The following AP1S3 variants were observed in gnomAD, a reference collection of about 807,000 sequenced individuals.
AP1S3 encodes the protein adaptor related protein complex 1 subunit sigma 3.
AP1S3 carries 10 observed loss-of-function variants against 20.9 expected under a neutral mutation model. The ratio of observed to expected loss-of-function variants is 0.48; its 90% CI spans 0.29 to 0.81. AP1S3 has a LOEUF of 0.81. Among genes scored for constraint, AP1S3 ranks in the 30% least tolerant of loss-of-function variants. The pLI is 0.08. For synonymous variants in AP1S3, 41 were observed against 61.5 expected (o/e 0.67, Z 1.56); for missense variants, 154 against 183.8 (o/e 0.84, Z 0.94).
intron 3 of AP1S3, chr2:223,773,304 T>C (rs1462644146): frequency 7.7e-7 from 1 of 1,303,588 alleles, no homozygotes. Context: ...GTTACGGGAA[T>C]GCCCAGACCT....
At chr2:223,807,699 C>T (rs1018213983) in intron 1 of AP1S3, among the ~76,000 whole-genome samples, 8 of 151,914 alleles carry the variant, frequency 5.3e-5, no homozygotes, top group African/African-American at 1.9e-4. Flanking sequence ...CCCTCTTGTT[C>T]CTGCTCCCCC....
chr2:223,765,080 T>C, intron 4 of AP1S3, 133 bp downstream of exon 4: 1 of 1,277,842 alleles, frequency 7.8e-7, no homozygotes, highest in Non-Finnish European at 1.0e-6. Flanking sequence ...AATAAGCTAA[T>C]ACATATAAAT....
intron 1 of AP1S3, among the ~76,000 whole-genome samples, chr2:223,819,003 A>C (rs909294092): frequency 6.6e-6 from 1 of 152,242 alleles, no homozygotes; most frequent in East Asian, 1.9e-4. Flanking sequence ...TTGTAGGGCT[A>C]ATTACCTAAT....
At chr2:223,763,347 T>A (rs571358104) in intron 4 of AP1S3, among the ~76,000 whole-genome samples, 18 of 152,210 alleles carry the variant, frequency 1.2e-4, no homozygotes, top group Non-Finnish European at 2.4e-4. Flanking sequence ...TTAAAACATT[T>A]CCTAATTTGA....
intron 1 of AP1S3, among the ~76,000 whole-genome samples, chr2:223,808,120 T>C (rs1691630738): frequency 6.6e-6 from 1 of 151,994 alleles, no homozygotes; most frequent in Non-Finnish European, 1.5e-5. Flanking sequence ...TATTTCTTTA[T>C]AGCAGTACAA....
chr2:223,790,623 G>A (rs1274979946), intron 1 of AP1S3, among the ~76,000 whole-genome samples: 3 of 152,000 alleles, frequency 2.0e-5, no homozygotes, highest in Non-Finnish European at 4.4e-5. Context: ...TGTAGGTAGA[G>A]TAATACACTT....
At chr2:223,780,345 AGAGAGAGAGAGAGTGTGTGT>A (rs1288475335) in intron 1 of AP1S3, among the ~76,000 whole-genome samples, 23 of 105,790 alleles carry the variant, frequency 2.2e-4, no homozygotes, top group African/African-American at 3.2e-4. Flanking sequence ...AGAGAGAGAG[AGAGAGAGAGAGAGTGTGTGT>A]GTGTGTGTGT....
chr2:223,824,776 C>T (rs1055520566), intron 1 of AP1S3, among the ~76,000 whole-genome samples: 1 of 152,110 alleles, frequency 6.6e-6, no homozygotes, highest in Non-Finnish European at 1.5e-5. Context: ...ATCAAATGAT[C>T]CACCCGTCAC....
chr2:223,766,969 C>A (rs75887694), intron 3 of AP1S3, among the ~76,000 whole-genome samples: 9,932 of 151,746 alleles, frequency 0.065, 461 homozygotes, highest in East Asian at 0.17. Context: ...AAACCAAACA[C>A]GGCATGTTCT....
chr2:223,790,721 G>A (rs1392819017), intron 1 of AP1S3, among the ~76,000 whole-genome samples: 4 of 152,150 alleles, frequency 2.6e-5, no homozygotes, highest in African/African-American at 9.7e-5. Flanking sequence ...CCACAATCAA[G>A]CTAATTAGCA....
intron 3 of AP1S3, among the ~76,000 whole-genome samples, chr2:223,768,170 C>T (rs1690526915): frequency 6.6e-6 from 1 of 152,172 alleles, no homozygotes; most frequent in African/African-American, 2.4e-5. Flanking sequence ...CTCATCCATG[C>T]ATCTGACACA....
At chr2:223,780,584 G>T (rs1307329605) in intron 1 of AP1S3, among the ~76,000 whole-genome samples, 1 of 150,958 alleles carries the variant, frequency 6.6e-6, no homozygotes, top group African/African-American at 2.4e-5. Flanking sequence ...GTGCCACCAT[G>T]CCCAGCTAAT....
Position 223,801,511 on chromosome 2 carries a change from G to A in AP1S3, c.4-23642C>T, listed in dbSNP as rs145485513. On this transcript the variant is annotated intron_variant, in intron 1 of 4. Transcript: ENST00000396654. ...CTCACTCTATTGTCCAGGCTGGAGT[G>A]CAGTGGCGCTGCAATCTCCACCTGC... Among the ~76,000 whole-genome samples, 636 of 152,210 alleles carry A rather than the reference G, an allele frequency of 4.2e-3. 6 individuals carry two copies. Among genetic ancestry groups the A allele is most frequent in the African/African-American group, 0.014 (594 of 41,544 alleles).
At chr2:223,779,541 C>G (rs1412546692) in intron 1 of AP1S3, among the ~76,000 whole-genome samples, 2 of 152,082 alleles carry the variant, frequency 1.3e-5, no homozygotes, top group Non-Finnish European at 2.9e-5. Context: ...GGTTTAGAAT[C>G]ATAATTTATT....
intron 1 of AP1S3, among the ~76,000 whole-genome samples, chr2:223,799,755 A>T (rs770873251): frequency 6.6e-6 from 1 of 152,210 alleles, no homozygotes; most frequent in Non-Finnish European, 1.5e-5. Flanking sequence ...TAGGTACAAC[A>T]CTTCTCATCC....
intron 4 of AP1S3, among the ~76,000 whole-genome samples, chr2:223,759,015 G>T (rs1039888077): frequency 1.3e-5 from 2 of 152,106 alleles, no homozygotes; most frequent in African/African-American, 4.8e-5. Context: ...GAAATGCTTG[G>T]CCAGTGTGGT....
chr2:223,793,462 G>A (rs188664785), intron 1 of AP1S3, among the ~76,000 whole-genome samples: 4 of 152,186 alleles, frequency 2.6e-5, no homozygotes, highest in East Asian at 3.9e-4. Flanking sequence ...CTCAGCAAAC[G>A]AACGCAGAAA....
chr2:223,827,105 T>C (rs1333395840), intron 1 of AP1S3, among the ~76,000 whole-genome samples: 1 of 152,180 alleles, frequency 6.6e-6, no homozygotes, highest in Non-Finnish European at 1.5e-5. Flanking sequence ...ATCTGCCTTA[T>C]TGTATATTCA....
At chr2:223,833,265 C>CATAT (rs1692319355) in intron 1 of AP1S3, among the ~76,000 whole-genome samples, 1 of 152,120 alleles carries the variant, frequency 6.6e-6, no homozygotes, top group Non-Finnish European at 1.5e-5. Context: ...TACATACATA[C>CATAT]ATACATACAT....
Sources: gnomAD v4.1 joint callset for allele counts (sites outside exome capture counted in the v4.1 genomes callset) on GRCh38, gnomAD v4.1.1 for gene constraint, MANE v1.5 for transcripts, NCBI Gene and HGNC (gene_info 2026-07-23, HGNC 2026-07-21) for gene names.